The following C10orf90 variants were observed in gnomAD, a reference collection of about 807,000 sequenced individuals.
The protein encoded by C10orf90 is (E2-independent) E3 ubiquitin-conjugating enzyme FATS.
Under a neutral mutation model 62.5 loss-of-function variants are expected in C10orf90, and 56 were observed. That is an observed-to-expected ratio of 0.90 (90% CI 0.72 to 1.12). The LOEUF (loss-of-function observed/expected upper bound fraction) is 1.12, where lower values mean the gene tolerates loss of function less well. Among genes scored for constraint, C10orf90 ranks in the 50% most tolerant of loss-of-function variants. The pLI is 0.00. For missense variants in C10orf90, 970 were observed against 880.4 expected (o/e 1.10, Z -1.29); for synonymous variants, 386 against 340.4 (o/e 1.13, Z -1.47).
intron 3 of C10orf90, among the ~76,000 whole-genome samples, chr10:126,511,590 G>A (rs1300619465): frequency 1.3e-5 from 2 of 150,502 alleles, no homozygotes; most frequent in African/African-American, 4.9e-5. Context: ...AGGTGGAGTG[G>A]GTAAGTAAAT....
chr10:126,581,098 A>G (rs1844742081), intron 2 of C10orf90, among the ~76,000 whole-genome samples: 2 of 152,304 alleles, frequency 1.3e-5, no homozygotes, highest in South Asian at 4.1e-4. Context: ...CAGAGTGGAA[A>G]TCCCGGAAAC....
At chr10:126,485,226 T>C (rs1265002967) in intron 4 of C10orf90, among the ~76,000 whole-genome samples, 1 of 152,136 alleles carries the variant, frequency 6.6e-6, no homozygotes, top group Non-Finnish European at 1.5e-5. Flanking sequence ...CAGTCCACAA[T>C]AGGAAGTGGG....
At chr10:126,426,146 T>G in intron 8 of C10orf90, 56 bp from the exon 9 acceptor site, 1 of 1,386,814 alleles carries the variant, frequency 7.2e-7, no homozygotes, top group East Asian at 2.3e-5. Flanking sequence ...GCTCCCGCTG[T>G]GGGGCTGCAT....
intron 2 of C10orf90, among the ~76,000 whole-genome samples, chr10:126,601,722 T>C (rs1375681869): frequency 6.6e-6 from 1 of 152,234 alleles, no homozygotes; most frequent in Admixed American, 6.5e-5. Context: ...ACACAAACTC[T>C]TTCCTGGACC....
chr10:126,592,672 C>T (rs1349212521), intron 2 of C10orf90, among the ~76,000 whole-genome samples: 3 of 152,066 alleles, frequency 2.0e-5, no homozygotes, highest in Non-Finnish European at 4.4e-5. Context: ...GCAATTGCAA[C>T]AAAAGCAAAA....
intron 2 of C10orf90, among the ~76,000 whole-genome samples, chr10:126,585,686 T>C (rs1826605199): frequency 6.6e-6 from 1 of 151,980 alleles, no homozygotes; most frequent in Non-Finnish European, 1.5e-5. Flanking sequence ...TAGAGAGCAT[T>C]CCACTGGACA....
intron 2 of C10orf90, among the ~76,000 whole-genome samples, chr10:126,641,743 A>G (rs1356254472): frequency 6.6e-6 from 1 of 152,154 alleles, no homozygotes; most frequent in East Asian, 1.9e-4. Flanking sequence ...CTCTGATTTT[A>G]AAAGCAGATG....
chr10:126,543,882 G>A (rs1389146157), intron 2 of C10orf90, among the ~76,000 whole-genome samples: 2 of 152,132 alleles, frequency 1.3e-5, no homozygotes, highest in East Asian at 1.9e-4. Flanking sequence ...GTGAACTGCT[G>A]ACTCGAGCTT....
At chr10:126,484,152 C>A (rs867619381) in intron 4 of C10orf90, among the ~76,000 whole-genome samples, 4 of 152,030 alleles carry the variant, frequency 2.6e-5, no homozygotes, top group Admixed American at 1.3e-4. Context: ...AATTCATATG[C>A]CTTCTATATT....
At chr10:126,626,272 C>G (rs1392785699) in intron 2 of C10orf90, among the ~76,000 whole-genome samples, 1 of 152,164 alleles carries the variant, frequency 6.6e-6, no homozygotes, top group Non-Finnish European at 1.5e-5. Context: ...TGTCCACCCC[C>G]TCAGGACAGA....
At chr10:126,629,021 A>G (rs1014170534) in intron 2 of C10orf90, among the ~76,000 whole-genome samples, 2 of 152,228 alleles carry the variant, frequency 1.3e-5, no homozygotes, top group East Asian at 3.8e-4. Flanking sequence ...GGGGCTCTTA[A>G]TAGAACTCCT....
At chr10:126,661,140 G>A (rs552564838) in intron 1 of C10orf90, among the ~76,000 whole-genome samples, 49 of 152,224 alleles carry the variant, frequency 3.2e-4, no homozygotes, top group Non-Finnish European at 6.3e-4. Context: ...CAGGTCACAG[G>A]AGCAGCATCC....
At chr10:126,465,974 G>A (rs1860261019) in intron 4 of C10orf90, among the ~76,000 whole-genome samples, 1 of 152,180 alleles carries the variant, frequency 6.6e-6, no homozygotes, top group Non-Finnish European at 1.5e-5. Flanking sequence ...AGAGGGCAAT[G>A]TAACACTAGG....
chr10:126,623,867 G>C (rs1845693808), intron 2 of C10orf90, among the ~76,000 whole-genome samples: 1 of 150,448 alleles, frequency 6.6e-6, no homozygotes, highest in Non-Finnish European at 1.5e-5. Context: ...AAGAATGAGA[G>C]CTTCATATGA....
chr10:126,594,390 G>A (rs1419953713), intron 2 of C10orf90, among the ~76,000 whole-genome samples: 1 of 152,144 alleles, frequency 6.6e-6, no homozygotes, highest in Non-Finnish European at 1.5e-5. Flanking sequence ...TCTCTGGGGA[G>A]GGAGTTTGGA....
At chr10:126,604,172 G>A (rs11597168) in intron 2 of C10orf90, among the ~76,000 whole-genome samples, 8,497 of 152,170 alleles carry the variant, frequency 0.056, 278 homozygotes, top group Middle Eastern at 0.12. Context: ...ACACAGATTC[G>A]GAGAAGCCAT....
At chr10:126,584,778 AGTTTTT>A (rs1844826749) in intron 2 of C10orf90, among the ~76,000 whole-genome samples, 1 of 152,148 alleles carries the variant, frequency 6.6e-6, no homozygotes, top group African/African-American at 2.4e-5. Flanking sequence ...TTATAGTATT[AGTTTTT>A]AAGAATTTCT....
chr10:126,551,804 C>CA (rs1864638562), intron 2 of C10orf90, among the ~76,000 whole-genome samples: 1 of 152,180 alleles, frequency 6.6e-6, no homozygotes, highest in African/African-American at 2.4e-5. Context: ...GCTTGCTGAA[C>CA]ATTATCTCAA....
intron 2 of C10orf90, among the ~76,000 whole-genome samples, chr10:126,535,206 TA>T (rs1482721187): frequency 3.0e-5 from 1 of 32,854 alleles, no homozygotes; most frequent in Non-Finnish European, 5.2e-5. Context: ...CACAAAATTG[TA>T]TTTTTTTTTC....
Sources: gnomAD v4.1 joint callset for allele counts (sites outside exome capture counted in the v4.1 genomes callset) on GRCh38, gnomAD v4.1.1 for gene constraint, MANE v1.5 for transcripts, NCBI Gene and HGNC (gene_info 2026-07-23, HGNC 2026-07-21) for gene names.